The following GNAL variants were observed in gnomAD, a reference collection of about 807,000 sequenced individuals.
GNAL encodes the protein guanine nucleotide-binding protein G(olf) subunit alpha.
In GNAL, 18 loss-of-function variants were observed where a neutral mutation model predicts 55.1. The ratio of observed to expected loss-of-function variants is 0.33; its 90% CI spans 0.23 to 0.48. The LOEUF is 0.48. Among genes scored for constraint, GNAL ranks in the 20% least tolerant of loss-of-function variants. The pLI, the probability that GNAL is intolerant of heterozygous loss-of-function variation, is 0.99. For missense variants in GNAL, 412 were observed against 614.1 expected (o/e 0.67, Z 3.48); for synonymous variants, 253 against 237.0 (o/e 1.07, Z -0.62).
Position 11,883,660 on chromosome 18 carries a change from A to C in GNAL, c.*2525A>C, listed in dbSNP as rs1363307317. ...TTGATCAAGTATAAAAATCTACGAA[A>C]ACAATATGTTCTGCACATCACATCT... On this transcript the variant is annotated 3_prime_UTR_variant, in exon 12 of 12. Coordinates refer to ENST00000334049, the MANE Select transcript of GNAL (RefSeq NM_182978.4). 6.5e-6 allele frequency: 1 copy of C among 153,254 alleles called. No individual in the cohort carries two copies. Among genetic ancestry groups the C allele is most frequent in the Non-Finnish European group, 1.5e-5 (1 of 68,024 alleles). 9.5% of individuals were successfully genotyped at this position (153,254 alleles called of 1,614,324 possible). A position where few individuals can be genotyped will look rare whatever the true frequency, so the allele number is the denominator to read the frequency against.
chr18:11,739,301 T>C (rs759018125), intron 1 of GNAL, among the ~76,000 whole-genome samples: 1 of 152,268 alleles, frequency 6.6e-6, no homozygotes, highest in Non-Finnish European at 1.5e-5. Context: ...CTCATTTGCA[T>C]ACATTCTGTA....
chr18:11,874,296 A>G (rs1426117334), intron 10 of GNAL: 1 of 152,108 alleles, frequency 6.6e-6, no homozygotes, highest in African/African-American at 2.4e-5. Context: ...ATCAACTCCA[A>G]CGTCAACTCT....
At chr18:11,714,519 A>G (rs2031908694) in intron 1 of GNAL, among the ~76,000 whole-genome samples, 1 of 152,210 alleles carries the variant, frequency 6.6e-6, no homozygotes, top group African/African-American at 2.4e-5. Flanking sequence ...TATATGAGAT[A>G]AAGTAAATGT....
At chr18:11,830,282 CTTT>C (rs71172023) in intron 5 of GNAL, among the ~76,000 whole-genome samples, 2 of 99,216 alleles carry the variant, frequency 2.0e-5, no homozygotes, top group African/African-American at 4.0e-5. Context: ...AGAATTGCAT[CTTT>C]TTTTTTTTTT....
rs1158267103 is a variant in GNAL at position 11,755,818 on chromosome 18, A to G, written c.624+1873A>G. ...CGGCAGAAGATGCTCCAGCCACACCAGGATCCTCTGCTAACTGGAGGTGCA... is the reference window on the plus strand; with the variant it reads ...CGGCAGAAGATGCTCCAGCCACACCGGGATCCTCTGCTAACTGGAGGTGCA... On this transcript the variant is annotated intron_variant, in intron 4 of 11. Coordinates refer to ENST00000334049, the MANE Select transcript of GNAL (RefSeq NM_182978.4). Among the ~76,000 whole-genome samples, 4 of 152,184 alleles carry G rather than the reference A, an allele frequency of 2.6e-5. No homozygotes were observed. The East Asian group carries it at 5.8e-4, about 22-fold the overall frequency.
At position 11,885,018 on chromosome 18, in the gene GNAL, T is replaced by C. The variant is rs1266158351; in HGVS notation, c.*3883T>C. On this transcript the variant is annotated 3_prime_UTR_variant, in exon 12 of 12. Transcript: ENST00000334049. ...GGAGGGAAAGGTGTCTTCCTGCCCC[T>C]TGATGCTCAACTAAGCATCTGTTCC... 26 of 1,297,690 alleles carry C rather than the reference T, an allele frequency of 2.0e-5. No homozygotes were observed. Among genetic ancestry groups the C allele is most frequent in the African/African-American group, 4.5e-5 (3 of 66,214 alleles). The allele number at this position is 1,297,690 out of a possible 1,614,324, so 80.4% of individuals were successfully genotyped here. A position where few individuals can be genotyped will look rare whatever the true frequency, so the allele number is the denominator to read the frequency against.
intron 11 of GNAL, 75 bp from the exon 12 acceptor site, chr18:11,880,914 C>T: frequency 6.7e-7 from 1 of 1,484,246 alleles, no homozygotes; most frequent in Non-Finnish European, 9.3e-7. Flanking sequence ...CCAGCACCTG[C>T]TCAGCGTGGC....
In GNAL at chr18:11,705,971, T is replaced by G. The variant is rs973802960; in HGVS notation, c.376+16032T>G. 2.0e-4 allele frequency among the ~76,000 whole-genome samples: 30 copies of G among 152,132 alleles called. 1 individual carries two copies. Among genetic ancestry groups the G allele is most frequent in the Non-Finnish European group, 1.5e-5 (1 of 68,030 alleles). ...GGTTTCACTATGTTGGCCAGGCTGGTCTTGAACTCCTGACTTCAAGTGATC... is the reference window on the plus strand; with the variant it reads ...GGTTTCACTATGTTGGCCAGGCTGGGCTTGAACTCCTGACTTCAAGTGATC... On this transcript the variant is annotated intron_variant, in intron 1 of 11. Transcript: ENST00000334049.
At chr18:11,784,892 T>C (rs1012572144) in intron 4 of GNAL, among the ~76,000 whole-genome samples, 1 of 152,202 alleles carries the variant, frequency 6.6e-6, no homozygotes, top group Non-Finnish European at 1.5e-5. Flanking sequence ...AGGAAATATA[T>C]GATTCATGGT....
At chr18:11,721,065 A>G (rs775539326) in intron 1 of GNAL, among the ~76,000 whole-genome samples, 16 of 152,216 alleles carry the variant, frequency 1.1e-4, no homozygotes, top group Non-Finnish European at 2.2e-4. Context: ...TCTTCCAGAA[A>G]AGTGTTCATC....
At chr18:11,872,994 A>G (rs571005278) in intron 10 of GNAL, among the ~76,000 whole-genome samples, 1 of 152,168 alleles carries the variant, frequency 6.6e-6, no homozygotes, top group Non-Finnish European at 1.5e-5. Context: ...AGGCCACCTG[A>G]GACTGAGGGG....
intron 1 of GNAL, among the ~76,000 whole-genome samples, chr18:11,743,402 T>C (rs2032621447): frequency 6.6e-6 from 1 of 152,302 alleles, no homozygotes; most frequent in South Asian, 2.1e-4. Context: ...CAAGGGACTT[T>C]GTGGAGTCCG....
rs1461709971 is a variant in GNAL, at chr18:11,884,573, CCTCACGTGGGA to C, written c.*3439_*3449del. The C allele has an allele frequency of 1.2e-6, 2 of 1,613,874 alleles. No individual in the cohort carries two copies. The highest frequency in any genetic ancestry group is 1.7e-6 in the Non-Finnish European group (2 of 1,180,042). On this transcript the variant is annotated 3_prime_UTR_variant, in exon 12 of 12. Transcript: ENST00000334049. The stretch of plus-strand genomic sequence containing the variant: ...CCACAGTAGATGATCAAAACCACAT[CCTCACGTGGGA>C]GGTAGCACTTGGAGAGGGTGTAGTC...
chr18:11,696,555 G>T (rs1190952005), intron 1 of GNAL, among the ~76,000 whole-genome samples: 4 of 151,174 alleles, frequency 2.6e-5, no homozygotes, highest in Admixed American at 6.6e-5. Context: ...TAAAGAGAAT[G>T]CAGTGATGTT....
chr18:11,743,840 ATGCAAC>A (rs906440190), intron 1 of GNAL, among the ~76,000 whole-genome samples: 1 of 152,214 alleles, frequency 6.6e-6, no homozygotes, highest in African/African-American at 2.4e-5. Flanking sequence ...TGTGTTTTAA[ATGCAAC>A]TTTGAGGTGT....
At position 11,747,815 on chromosome 18, in the gene GNAL, C is replaced by T. The variant is rs141558925; in HGVS notation, c.377-5038C>T. On this transcript the variant is annotated intron_variant, in intron 1 of 11. Coordinates refer to ENST00000334049, the MANE Select transcript of GNAL (RefSeq NM_182978.4). ...ACTTTTGTGCCTTTCAAATTCTCCACGAGGTGACCAGGACCTTCTCTTCCT... is the reference window on the plus strand; with the variant it reads ...ACTTTTGTGCCTTTCAAATTCTCCATGAGGTGACCAGGACCTTCTCTTCCT... 3.6e-3 allele frequency among the ~76,000 whole-genome samples: 550 copies of T among 152,316 alleles called. 4 individuals are homozygous for T. The highest frequency in any genetic ancestry group is 0.013 in the African/African-American group (526 of 41,566).
intron 6 of GNAL, 97 bp downstream of exon 6, chr18:11,862,546 C>G (rs2036170435): frequency 9.6e-7 from 1 of 1,038,464 alleles, no homozygotes; most frequent in African/African-American, 1.6e-5. Context: ...AAGGAAAAAT[C>G]CTTAAGATAC....
intron 4 of GNAL, among the ~76,000 whole-genome samples, chr18:11,795,390 CAAAA>C (rs752221474): frequency 1.5e-5 from 1 of 68,246 alleles, no homozygotes; most frequent in Non-Finnish European, 3.2e-5. Context: ...GACCCTGTCT[CAAAA>C]AAAAAAAAAA....
At chr18:11,721,899 AATAAAT>A (rs2032102979) in intron 1 of GNAL, among the ~76,000 whole-genome samples, 1 of 116,168 alleles carries the variant, frequency 8.6e-6, no homozygotes, top group Non-Finnish European at 1.8e-5. Context: ...AAAATAAATA[AATAAAT>A]AAATAAATAA....
Sources: gnomAD v4.1 joint callset for allele counts (sites outside exome capture counted in the v4.1 genomes callset) on GRCh38, gnomAD v4.1.1 for gene constraint, MANE v1.5 for transcripts, NCBI Gene and HGNC (gene_info 2026-07-23, HGNC 2026-07-21) for gene names.